The following TLR5 variants were observed in gnomAD, a reference collection of about 807,000 sequenced individuals.
The protein encoded by TLR5 is toll-like receptor 5.
For synonymous variants in TLR5, 373 were observed against 384.4 expected (o/e 0.97, Z 0.35); for missense variants, 944 against 999.8 (o/e 0.94, Z 0.75).
intron 5 of TLR5, among the ~76,000 whole-genome samples, chr1:223,129,750 C>A (rs1657327789): frequency 6.6e-6 from 1 of 152,226 alleles, no homozygotes; most frequent in Non-Finnish European, 1.5e-5. Context: ...ACCCAGGTTT[C>A]TCCTCAGAGC....
In TLR5 at chr1:223,111,002, A is replaced by G. The variant is rs780232810; in HGVS notation, c.2030T>C (p.Leu677Pro). ...CFICYKTAQRLVFKDHPQGTE... is the reference protein window; with the variant it reads ...CFICYKTAQRPVFKDHPQGTE... ...GCCCTGGGGATGGTCCTTGAACACC[A>G]GTCTCTGGGCTGTCTTATAACAGAT... Residue 677 changes from leucine to proline, a missense_variant, in exon 6 of 6, where the codon CTG becomes CCG. Physicochemically the swap from Leu to Pro is moderately conservative, Grantham distance 98. Coordinates refer to ENST00000642603, the MANE Select transcript of TLR5 (RefSeq NM_003268.6). 3 of 1,614,252 alleles carry G rather than the reference A, an allele frequency of 1.9e-6. No homozygotes were observed. In the South Asian group the frequency reaches 3.3e-5, roughly 18 times the overall value.
intron 1 of TLR5, among the ~76,000 whole-genome samples, chr1:223,142,097 G>A (rs1273838557): frequency 6.6e-6 from 1 of 152,212 alleles, no homozygotes; most frequent in Non-Finnish European, 1.5e-5. Flanking sequence ...GAGTCCAAGA[G>A]ATCTTGGACG....
intron 5 of TLR5, chr1:223,129,362 T>G (rs1358665861): frequency 6.6e-6 from 1 of 152,452 alleles, no homozygotes; most frequent in East Asian, 1.9e-4. Context: ...GCCCACCGGT[T>G]CACCACGTTG....
chr1:223,111,619 C>T lies in TLR5; in HGVS notation c.1413G>A (p.Glu471=). 1 of 1,614,118 alleles carries T rather than the reference C, an allele frequency of 6.2e-7. No homozygotes were observed. The highest frequency in any genetic ancestry group is 8.5e-7 in the Non-Finnish European group (1 of 1,180,020). The change falls in exon 6 of 6, where the codon GAG becomes GAA. Residue 471 remains glutamate, a synonymous_variant. Coordinates refer to ENST00000642603, the MANE Select transcript of TLR5 (RefSeq NM_003268.6). ...GGAAAAGCTGTTCTAAGCTGGGATT[C>T]TCTGAAGGGGTTTGATCTCCACTAC... The part of the protein sequence containing the change: ...SSCSGDQTPS[E]NPSLEQLFLG...
rs751890032 is a variant in TLR5, at chr1:223,112,563, T to C, written c.469A>G (p.Ile157Val). 3 of 1,614,230 alleles carry C rather than the reference T, an allele frequency of 1.9e-6. No homozygotes were observed. Among genetic ancestry groups the C allele is most frequent in the Non-Finnish European group, 2.5e-6 (3 of 1,180,038 alleles). The change falls in exon 6 of 6, where the codon ATT becomes GTT. Residue 157 changes from isoleucine (I) to valine (V), a missense_variant. By Grantham distance (29) the Ile-to-Val change is conservative. Coordinates refer to ENST00000642603, the MANE Select transcript of TLR5 (RefSeq NM_003268.6). ...LTRLDLSKNQ[I>V]RSLYLHPSFG... ...GAAGGATGAAGGTAAAGGCTACGAA[T>C]CTGATTTTTGGATAGATCCAAGCGA...
chr1:223,112,729 G>A lies in TLR5; in HGVS notation c.303C>T (p.Asp101=), dbSNP rs1656424316. ...AGAAGTATATCTTACTACTTCCCAG[G>A]TCCAAGATTCTAAGGTTGGGCAGGT... ...FRNLPNLRIL[D]LGSSKIYFLH... Residue 101 remains aspartate, a synonymous_variant, in exon 6 of 6, where the codon GAC becomes GAT. Transcript: ENST00000642603. The A allele has an allele frequency of 1.2e-6, 2 of 1,614,070 alleles. No homozygotes were observed. The highest frequency in any genetic ancestry group is 1.3e-5 in the African/African-American group (1 of 74,920).
At chr1:223,116,236 G>A (rs775107303) in intron 5 of TLR5, among the ~76,000 whole-genome samples, 1 of 152,194 alleles carries the variant, frequency 6.6e-6, no homozygotes, top group Non-Finnish European at 1.5e-5. Context: ...CACGGTGAGT[G>A]TTACAGTTCT....
In TLR5 at chr1:223,112,401, T is replaced by C. The variant is rs1202268420; in HGVS notation, c.631A>G (p.Arg211Gly). The change falls in exon 6 of 6, where the codon AGA (arginine) becomes GGA (glycine). Residue 211 changes from arginine (R) to glycine (G), a missense_variant. Transcript: ENST00000642603. ...CATTTTCCCCAGTCCACTGAGACTC[T>C]GCTATACAAGCTATTAGCTGCGAGG... is the stretch of plus-strand genomic sequence containing the variant. ...FSLAANSLYS[R>G]VSVDWGKCMN... The C allele has an allele frequency of 1.2e-6, 2 of 1,614,242 alleles. No homozygotes were observed. Among genetic ancestry groups the C allele is most frequent in the Non-Finnish European group, 1.7e-6 (2 of 1,180,046 alleles).
At chr1:223,130,262 T>C (rs764141300) in intron 5 of TLR5, among the ~76,000 whole-genome samples, 1 of 152,212 alleles carries the variant, frequency 6.6e-6, no homozygotes, top group Non-Finnish European at 1.5e-5. Context: ...CCACAGTTGT[T>C]GTCAAGCTCG....
At chr1:223,118,958 G>T (rs570163789) in intron 5 of TLR5, among the ~76,000 whole-genome samples, 25 of 152,096 alleles carry the variant, frequency 1.6e-4, no homozygotes, top group African/African-American at 6.0e-4. Context: ...ACAAAAATTA[G>T]CCAGGCATGG....
At chr1:223,126,568 A>G (rs2102909459) in intron 5 of TLR5, among the ~76,000 whole-genome samples, 1 of 152,320 alleles carries the variant, frequency 6.6e-6, no homozygotes, top group East Asian at 1.9e-4. Context: ...CCCAAACTGG[A>G]CTTCTCAATA....
At position 223,112,455 on chromosome 1, in the gene TLR5, G is replaced by T; in HGVS notation, c.577C>A (p.Leu193Ile). 1 of 1,614,244 alleles carries T rather than the reference G, an allele frequency of 6.2e-7. No homozygotes were observed. Among genetic ancestry groups the T allele is most frequent in the Non-Finnish European group, 8.5e-7 (1 of 1,180,050 alleles). Reference sequence around the variant, plus strand: ...AAAAAGGAGAGCGTTTTCCCTTGTAGGGGCTCGAGCTCATGTTCACATACA... The same window carrying T: ...AAAAAGGAGAGCGTTTTCCCTTGTATGGGCTCGAGCTCATGTTCACATACA... ...FLVCEHELEPLQGKTLSFFSL... is the reference protein window; with the variant it reads ...FLVCEHELEPIQGKTLSFFSL... The change falls in exon 6 of 6, where the codon CTA becomes ATA. Residue 193 changes from leucine (L) to isoleucine (I), a missense_variant. By Grantham distance (5) the Leu-to-Ile change is conservative. Coordinates refer to ENST00000642603, the MANE Select transcript of TLR5 (RefSeq NM_003268.6).
intron 1 of TLR5, 77 bp from the exon 2 acceptor site, chr1:223,141,840 G>GAA (rs1657883745): frequency 1.4e-5 from 2 of 145,516 alleles, no homozygotes; most frequent in African/African-American, 5.1e-5. Flanking sequence ...GAGAGAGAGA[G>GAA]AGAGAGAGAG....
At chr1:223,139,892 A>G (rs893712647) in intron 2 of TLR5, among the ~76,000 whole-genome samples, 1 of 152,192 alleles carries the variant, frequency 6.6e-6, no homozygotes, top group African/African-American at 2.4e-5. Context: ...CTTCACTGTT[A>G]CCTATAAGGG....
chr1:223,125,199 A>C (rs1657117919), intron 5 of TLR5, among the ~76,000 whole-genome samples: 1 of 152,226 alleles, frequency 6.6e-6, no homozygotes, highest in African/African-American at 2.4e-5. Context: ...TCCCTAATAC[A>C]TCAATCACGT....
Position 223,113,098 on chromosome 1 carries a change from T to G in TLR5, c.-4-63A>C. 2.0e-6 allele frequency: 3 copies of G among 1,513,616 alleles called. No individual in the cohort carries two copies. In the South Asian group the frequency reaches 3.4e-5, roughly 17 times the overall value. The allele number at this position is 1,513,616 out of a possible 1,614,324, so 93.8% of individuals were successfully genotyped here. On this transcript the variant is annotated intron_variant, in intron 5 of 5. Transcript: ENST00000642603. ...AAGCTCGAGGTATTGCACTGGGGTC[T>G]TCAGATCTTGGGGGTATTCTCTATG...
At chr1:223,142,573 G>A (rs572430791) in intron 1 of TLR5, among the ~76,000 whole-genome samples, 26 of 152,298 alleles carry the variant, frequency 1.7e-4, no homozygotes, top group African/African-American at 6.3e-4. Context: ...TTCCAATTGT[G>A]TTTTCACAGG....
intron 5 of TLR5, among the ~76,000 whole-genome samples, chr1:223,125,136 G>A (rs1032214019): frequency 1.3e-5 from 2 of 152,150 alleles, no homozygotes; most frequent in African/African-American, 4.8e-5. Flanking sequence ...TCTTGAATAT[G>A]TTAATATTAT....
In TLR5 at chr1:223,143,201, G is replaced by A. The variant is rs1187634006; in HGVS notation, c.-560C>T. 1 of 152,222 alleles carries A rather than the reference G, an allele frequency of 6.6e-6. No individual in the cohort carries two copies. Among genetic ancestry groups the A allele is most frequent in the African/African-American group, 2.4e-5 (1 of 41,468 alleles). The allele number at this position is 152,222 out of a possible 1,614,324, so 9.4% of individuals were successfully genotyped here. Reference sequence around the variant, plus strand: ...TGCCGCTGCAGGGCGCTCACCTCTGGGACGCCTCCCCGCGCCGCCTGCGCC... The same window carrying A: ...TGCCGCTGCAGGGCGCTCACCTCTGAGACGCCTCCCCGCGCCGCCTGCGCC... On this transcript the variant is annotated 5_prime_UTR_variant, in exon 1 of 6. Transcript: ENST00000642603.
Sources: gnomAD v4.1 joint callset for allele counts (sites outside exome capture counted in the v4.1 genomes callset) on GRCh38, gnomAD v4.1.1 for gene constraint, MANE v1.5 for transcripts, NCBI Gene and HGNC (gene_info 2026-07-23, HGNC 2026-07-21) for gene names.